Variants in MINK1 observed in about 807,000 individuals in gnomAD.
MINK1 encodes the protein misshapen-like kinase 1.
A neutral mutation model predicts 178.4 loss-of-function variants in MINK1; 46 were observed. That is an observed-to-expected ratio of 0.26 (90% CI 0.20 to 0.33). MINK1 has a LOEUF of 0.33. Among genes scored for constraint, MINK1 ranks in the 10% least tolerant of loss-of-function variants. The pLI, the probability that MINK1 is intolerant of heterozygous loss-of-function variation, is 1.00. For synonymous variants in MINK1, 797 were observed against 709.7 expected (o/e 1.12, Z -1.96); for missense variants, 1,366 against 1,814.9 (o/e 0.75, Z 4.49).
chr17:4,895,579 T>C lies in MINK1; in HGVS notation c.3229+86T>C. The stretch of plus-strand genomic sequence containing the variant: ...TTCTGCCTGGGAGGAGGGCAGGCAC[T>C]GGAAGGTGGGGCCACACTTTCTCAC... On this transcript the variant is annotated intron_variant, in intron 26 of 31. Transcript: ENST00000355280. The surrounding 1 kb of genome is among the most constrained non-coding windows in gnomAD (Gnocchi z 4.3). The C allele has an allele frequency of 1.3e-6, 2 of 1,546,964 alleles. No homozygotes were observed. Among genetic ancestry groups the C allele is most frequent in the South Asian group, 1.2e-5 (1 of 80,820 alleles).
chr17:4,851,926 G>A (rs1416763950), intron 1 of MINK1, among the ~76,000 whole-genome samples: 1 of 150,286 alleles, frequency 6.7e-6, no homozygotes, highest in Non-Finnish European at 1.5e-5. Flanking sequence ...CTTGAATCGG[G>A]GAGGCAGAGG....
chr17:4,854,676 C>T (rs1282648864), intron 1 of MINK1: 4 of 441,832 alleles, frequency 9.1e-6, no homozygotes, highest in Non-Finnish European at 1.4e-5. Context: ...GTTTCTTCGC[C>T]TTCCTTCTAC....
Position 4,890,507 on chromosome 17 carries a change from T to G in MINK1, c.1348-10T>G. The G allele has an allele frequency of 6.3e-7, 1 of 1,581,366 alleles. No homozygotes were observed. Among genetic ancestry groups the G allele is most frequent in the Non-Finnish European group, 8.6e-7 (1 of 1,164,392 alleles). Reference sequence around the variant, plus strand: ...CCTGCTGAGCCCTCTCTCCCTACCCTTGGGCCCAGGAATACAAGCGGAAGC... The same window carrying G: ...CCTGCTGAGCCCTCTCTCCCTACCCGTGGGCCCAGGAATACAAGCGGAAGC... On this transcript the variant is annotated splice_polypyrimidine_tract_variant and intron_variant, in intron 13 of 31. Coordinates refer to ENST00000355280, the MANE Select transcript of MINK1 (RefSeq NM_153827.5).
chr17:4,897,295 C>T lies in MINK1; in HGVS notation c.*8C>T. On this transcript the variant is annotated 3_prime_UTR_variant, in exon 32 of 32. Coordinates refer to ENST00000355280, the MANE Select transcript of MINK1 (RefSeq NM_153827.5). ...TGCATCATGAACTGGTGACGGGGCCCTGGGCTGGGGCTGTCCCACACTGGA... is the reference window on the plus strand; with the variant it reads ...TGCATCATGAACTGGTGACGGGGCCTTGGGCTGGGGCTGTCCCACACTGGA... The T allele has an allele frequency of 2.5e-6, 4 of 1,613,272 alleles. No individual in the cohort carries two copies. The highest frequency in any genetic ancestry group is 1.1e-5 in the South Asian group (1 of 91,008).
In MINK1 at chr17:4,896,162, C is replaced by T. The variant is rs746809258; in HGVS notation, c.3466-31C>T. On this transcript the variant is annotated intron_variant, in intron 28 of 31. Coordinates refer to ENST00000355280, the MANE Select transcript of MINK1 (RefSeq NM_153827.5). The surrounding 1 kb of genome is among the most constrained non-coding windows in gnomAD (Gnocchi z 4.6). Reference sequence around the variant, plus strand: ...AGTCCCAGCGCCTCTCCCCGTGCCCCTGAGCCCTCCTCTCCTCCGGTTCTC... The same window carrying T: ...AGTCCCAGCGCCTCTCCCCGTGCCCTTGAGCCCTCCTCTCCTCCGGTTCTC... The T allele has an allele frequency of 1.9e-5, 31 of 1,602,604 alleles. No individual in the cohort carries two copies. The South Asian group carries it at 3.4e-4, about 17-fold the overall frequency.
In MINK1 at chr17:4,886,378, T is replaced by A; in HGVS notation, c.774-73T>A. 1 of 1,545,326 alleles carries A rather than the reference T, an allele frequency of 6.5e-7. No homozygotes were observed. Among genetic ancestry groups the A allele is most frequent in the Non-Finnish European group, 8.8e-7 (1 of 1,133,506 alleles). On this transcript the variant is annotated intron_variant, in intron 9 of 31. Transcript: ENST00000355280. This position sits in a 1 kb window ranked among gnomAD's most constrained non-coding sequence, Gnocchi z 6.1. ...GACGTCAAGGTGGCTTGTGGATGAA[T>A]GATCCACCCTCTTCCTCCTGCACCC...
In MINK1 at chr17:4,894,064, T is replaced by C. The variant is rs1488166370; in HGVS notation, c.2641T>C (p.Tyr881His). The change falls in exon 22 of 32, where the codon TAC becomes CAC. Residue 881 changes from tyrosine to histidine, a missense_variant. Around this residue, in one of 14 missense-constraint regions of MINK1, gnomAD observed 709 missense variants for 692.3 expected, o/e 1.02. Transcript: ENST00000355280. This position sits in a 1 kb window ranked among gnomAD's most constrained non-coding sequence, Gnocchi z 4.1. Reference sequence around the variant, plus strand: ...GGAGATCACCGGGACCCAGCCCCCATACGGGGGCGGCACCATGGTGGTCCA... The same window carrying C: ...GGAGATCACCGGGACCCAGCCCCCACACGGGGGCGGCACCATGGTGGTCCA... ...VEEITGTQPP[Y>H]GGGTMVVQRT... is the part of the protein sequence containing the mutation. 2.5e-6 allele frequency: 4 copies of C among 1,587,774 alleles called. No individual in the cohort carries two copies. The highest frequency in any genetic ancestry group is 1.8e-5 in the Admixed American group (1 of 56,376).
intron 14 of MINK1, 72 bp downstream of exon 14, chr17:4,890,807 G>A (rs1968712277): frequency 6.6e-7 from 1 of 1,518,546 alleles, no homozygotes; most frequent in Non-Finnish European, 8.9e-7. Flanking sequence ...ACAAGAAGTA[G>A]TAGTTCACAG....
Position 4,891,802 on chromosome 17 carries a change from G to A in MINK1, c.2001+86G>A, listed in dbSNP as rs1968846373. On this transcript the variant is annotated intron_variant, in intron 16 of 31. Coordinates refer to ENST00000355280, the MANE Select transcript of MINK1 (RefSeq NM_153827.5). ...CAGTGAAGGGGCAGGCCACATGGAG[G>A]AAGAGTGCAGGGCGGGAAGCGAGAG... The A allele has an allele frequency of 4.8e-6, 7 of 1,473,022 alleles. No individual in the cohort carries two copies. The South Asian group carries it at 8.2e-5, about 17-fold the overall frequency. The allele number at this position is 1,473,022 out of a possible 1,614,324, so 91.2% of individuals were successfully genotyped here.
At chr17:4,842,004 G>A (rs537534044) in intron 1 of MINK1, among the ~76,000 whole-genome samples, 179 of 152,094 alleles carry the variant, frequency 1.2e-3, no homozygotes, top group Non-Finnish European at 1.5e-3. Context: ...GGCGGATCAC[G>A]AGGTCAGGAG....
rs1968193315 is a variant in MINK1, at chr17:4,886,318, G to A, written c.773+120G>A. On this transcript the variant is annotated intron_variant, in intron 9 of 31. Coordinates refer to ENST00000355280, the MANE Select transcript of MINK1 (RefSeq NM_153827.5). The surrounding 1 kb of genome is among the most constrained non-coding windows in gnomAD (Gnocchi z 6.1). ...AGAGAAGAGATTCTGGGGGGCAGAG[G>A]GCGGTGACTGGTGTTGGGATATGAA... 1 of 1,494,398 alleles carries A rather than the reference G, an allele frequency of 6.7e-7. No individual in the cohort carries two copies. The highest frequency in any genetic ancestry group is 9.3e-7 in the Non-Finnish European group (1 of 1,075,276). The allele number at this position is 1,494,398 out of a possible 1,614,324, so 92.6% of individuals were successfully genotyped here.
chr17:4,887,823 C>T lies in MINK1; in HGVS notation c.1230+33C>T, dbSNP rs7215776. The T allele has an allele frequency of 7.1e-3, 10,221 of 1,447,166 alleles. 614 individuals carry two copies. The African/African-American group carries it at 0.13, about 18-fold the overall frequency. 89.6% of individuals were successfully genotyped at this position (1,447,166 alleles called of 1,614,324 possible). A position where few individuals can be genotyped will look rare whatever the true frequency, so the allele number is the denominator to read the frequency against. On this transcript the variant is annotated intron_variant, in intron 12 of 31. Coordinates refer to ENST00000355280, the MANE Select transcript of MINK1 (RefSeq NM_153827.5). This position sits in a 1 kb window ranked among gnomAD's most constrained non-coding sequence, Gnocchi z 7.6. Reference sequence around the variant, plus strand: ...GTCTCCGAAGGGCCCAGGCCTGGCGCGGCCTCCTCCTGACCTGCCCCGGGT... The same window carrying T: ...GTCTCCGAAGGGCCCAGGCCTGGCGTGGCCTCCTCCTGACCTGCCCCGGGT...
intron 1 of MINK1, among the ~76,000 whole-genome samples, chr17:4,849,990 A>T (rs1911685148): frequency 6.6e-6 from 1 of 152,040 alleles, no homozygotes; most frequent in South Asian, 2.1e-4. Flanking sequence ...TCTGTCATCC[A>T]GGCTGTAGTG....
Position 4,836,899 on chromosome 17 carries a change from C to T in MINK1, c.57+3259C>T, listed in dbSNP as rs999711625. Among the ~76,000 whole-genome samples the T allele has an allele frequency of 6.6e-6, 1 of 151,952 alleles. No homozygotes were observed. Among genetic ancestry groups the T allele is most frequent in the Non-Finnish European group, 1.5e-5 (1 of 68,010 alleles). ...CCCACTAAAATGTCAGTTCAGTGGCCGGGTGTGGTAGCTCACGACCGTAAT... is the reference window on the plus strand; with the variant it reads ...CCCACTAAAATGTCAGTTCAGTGGCTGGGTGTGGTAGCTCACGACCGTAAT... On this transcript the variant is annotated intron_variant, in intron 1 of 31. Transcript: ENST00000355280. This position sits in a 1 kb window ranked among gnomAD's most constrained non-coding sequence, Gnocchi z 4.3.
chr17:4,885,731 G>T lies in MINK1; in HGVS notation c.639+118G>T. ...GGTCAGATGATGTTAGCAGTGAGGG[G>T]CTGGGGAACATCTTACGGCAAGGCA... On this transcript the variant is annotated intron_variant, in intron 7 of 31. Coordinates refer to ENST00000355280, the MANE Select transcript of MINK1 (RefSeq NM_153827.5). This position sits in a 1 kb window ranked among gnomAD's most constrained non-coding sequence, Gnocchi z 5.0. 2.0e-6 allele frequency: 3 copies of T among 1,467,762 alleles called. No homozygotes were observed. Among genetic ancestry groups the T allele is most frequent in the Non-Finnish European group, 2.8e-6 (3 of 1,075,516 alleles). 90.9% of individuals were successfully genotyped at this position (1,467,762 alleles called of 1,614,324 possible).
At position 4,895,542 on chromosome 17, in the gene MINK1, G is replaced by A. The variant is rs762957148; in HGVS notation, c.3229+49G>A. ...GGGAGGAGGGGCTCAGCTCCTTGGCGCTGTCACCATCTTCTGCCTGGGAGG... is the reference window on the plus strand; with the variant it reads ...GGGAGGAGGGGCTCAGCTCCTTGGCACTGTCACCATCTTCTGCCTGGGAGG... On this transcript the variant is annotated intron_variant, in intron 26 of 31. Transcript: ENST00000355280. The surrounding 1 kb of genome is among the most constrained non-coding windows in gnomAD (Gnocchi z 4.3). 67 of 1,552,902 alleles carry A rather than the reference G, an allele frequency of 4.3e-5. 1 individual carries two copies. Among genetic ancestry groups the A allele is most frequent in the African/African-American group, 2.3e-4 (17 of 73,780 alleles).
At position 4,897,474 on chromosome 17, in the gene MINK1, A is replaced by G. The variant is rs536662233; in HGVS notation, c.*187A>G. 3 of 570,974 alleles carry G rather than the reference A, an allele frequency of 5.3e-6. No homozygotes were observed. Among genetic ancestry groups the G allele is most frequent in the Non-Finnish European group, 9.3e-6 (3 of 321,994 alleles). 35.4% of individuals were successfully genotyped at this position (570,974 alleles called of 1,614,324 possible). Reference sequence around the variant, plus strand: ...GATCACGTGACCATCCTCTTCCCCAACATGTCCTCTTCCCAAAACTGTGCC... The same window carrying G: ...GATCACGTGACCATCCTCTTCCCCAGCATGTCCTCTTCCCAAAACTGTGCC... On this transcript the variant is annotated 3_prime_UTR_variant, in exon 32 of 32. Transcript: ENST00000355280.
At chr17:4,876,091 G>T (rs1024077936) in intron 1 of MINK1, among the ~76,000 whole-genome samples, 10 of 151,996 alleles carry the variant, frequency 6.6e-5, no homozygotes, top group Admixed American at 5.2e-4. Flanking sequence ...CACCGCGCCC[G>T]GCCAAGATTT....
intron 1 of MINK1, among the ~76,000 whole-genome samples, chr17:4,864,589 G>T (rs935944016): frequency 6.6e-6 from 1 of 151,792 alleles, no homozygotes; most frequent in African/African-American, 2.4e-5. Flanking sequence ...GCCGGGCATG[G>T]TGGTGGGTGC....
Sources: allele counts gnomAD v4.1 joint callset (sites outside exome capture counted in the v4.1 genomes callset), GRCh38; gene constraint gnomAD v4.1.1; regional missense constraint gnomAD v4.1.1; non-coding constraint Gnocchi (gnomAD v3.1); transcripts MANE v1.5; gene names NCBI Gene and HGNC (gene_info 2026-07-23, HGNC 2026-07-21).